Variants in ABCC1 observed in about 807,000 individuals in gnomAD.
ABCC1 encodes the protein ATP binding cassette subfamily C member 1 (ABCC1 blood group).
Under a neutral mutation model 172.9 loss-of-function variants are expected in ABCC1, and 83 were observed. The ratio of observed to expected loss-of-function variants is 0.48; its 90% CI spans 0.40 to 0.58. The LOEUF (loss-of-function observed/expected upper bound fraction) is 0.58. Ranked by LOEUF, ABCC1 falls within the 20% of genes least tolerant of loss-of-function variation. ABCC1 has a pLI of 0.00. For missense variants in ABCC1, 1,817 were observed against 2,002.7 expected (o/e 0.91, Z 1.77); for synonymous variants, 937 against 825.2 (o/e 1.14, Z -2.32).
rs1002506477 is a variant in ABCC1 at position 15,958,042 on chromosome 16, G to C, written c.48+8243G>C. On this transcript the variant is annotated intron_variant, in intron 1 of 30. Transcript: ENST00000399410. ...CGTTTCTGAGTTGCTCCAGTTTGCCGCAGTCCCCACCCCTCCCTGTTGTTG... is the reference window on the plus strand; with the variant it reads ...CGTTTCTGAGTTGCTCCAGTTTGCCCCAGTCCCCACCCCTCCCTGTTGTTG... 3.9e-5 allele frequency among the ~76,000 whole-genome samples: 6 copies of C among 152,288 alleles called. No homozygotes were observed. In the South Asian group the frequency reaches 1.2e-3, roughly 32 times the overall value.
At chr16:16,081,894 CT>C (rs1256461187) in intron 16 of ABCC1, among the ~76,000 whole-genome samples, 2 of 152,042 alleles carry the variant, frequency 1.3e-5, no homozygotes, top group Non-Finnish European at 2.9e-5. Context: ...TGGTGTGTGC[CT>C]TTAGTCCCAG....
chr16:15,970,339 T>G (rs2046337555), intron 1 of ABCC1, among the ~76,000 whole-genome samples: 1 of 152,128 alleles, frequency 6.6e-6, no homozygotes, highest in Non-Finnish European at 1.5e-5. Flanking sequence ...TGCCTACGTC[T>G]CTCCTCGTCA....
At chr16:16,071,064 T>A (rs1257038960) in intron 13 of ABCC1, among the ~76,000 whole-genome samples, 3 of 151,910 alleles carry the variant, frequency 2.0e-5, no homozygotes, top group African/African-American at 4.8e-5. Context: ...CCTCTGCCCT[T>A]TTCTTCTTTT....
chr16:15,949,879 C>G, intron 1 of ABCC1, 80 bp downstream of exon 1: 1 of 1,118,200 alleles, frequency 8.9e-7, no homozygotes, highest in Non-Finnish European at 1.1e-6. Flanking sequence ...CGCAGCCGCC[C>G]GGGGCACCCC....
At chr16:16,058,041 GT>G (rs975328621) in intron 12 of ABCC1, among the ~76,000 whole-genome samples, 1 of 151,794 alleles carries the variant, frequency 6.6e-6, no homozygotes, top group Non-Finnish European at 1.5e-5. Flanking sequence ...GTTGTTCCCT[GT>G]TTTTTTTGCT....
chr16:16,079,721 A>C (rs1000010834), intron 16 of ABCC1, among the ~76,000 whole-genome samples: 5 of 152,142 alleles, frequency 3.3e-5, no homozygotes, highest in African/African-American at 4.8e-5. Context: ...CAGCACTTAA[A>C]ATAGTGCCCA....
chr16:16,120,647 T>A (rs1225900282), intron 23 of ABCC1, among the ~76,000 whole-genome samples: 1 of 152,036 alleles, frequency 6.6e-6, no homozygotes, highest in African/African-American at 2.4e-5. Flanking sequence ...ACATCTGTGC[T>A]CCCATCTGCT....
chr16:16,016,149 G>GTTTTTTTTTTT, intron 4 of ABCC1, among the ~76,000 whole-genome samples: 1 of 84,276 alleles, frequency 1.2e-5, no homozygotes, highest in Non-Finnish European at 2.1e-5. Context: ...TGTGATCTTG[G>GTTTTTTTTTTT]TTTTTTTTTT....
At chr16:16,103,194 G>C (rs768443947) in intron 20 of ABCC1, among the ~76,000 whole-genome samples, 4 of 152,104 alleles carry the variant, frequency 2.6e-5, no homozygotes, top group Non-Finnish European at 5.9e-5. Context: ...TACAAAAAAG[G>C]AAGTATGCTC....
At chr16:16,009,742 T>C in intron 2 of ABCC1, 34 bp from the exon 3 acceptor site, 2 of 1,552,920 alleles carry the variant, frequency 1.3e-6, no homozygotes, top group Admixed American at 1.9e-5. Context: ...TCCAGGGCGG[T>C]CTGTTGTAGG....
chr16:16,074,947 C>T (rs1210776246), intron 14 of ABCC1, among the ~76,000 whole-genome samples: 2 of 129,192 alleles, frequency 1.5e-5, no homozygotes, highest in African/African-American at 2.9e-5. Context: ...TTTTCTTTTT[C>T]TTTTTTTTTT....
chr16:16,052,825 T>G lies in ABCC1; in HGVS notation c.1473+9T>G, dbSNP rs537499399. Reference sequence around the variant, plus strand: ...AGACCAAGACGTATCAGGTAAGGCATGTGTCTCTGCGGGCCCCCAAGCCGG... The same window carrying G: ...AGACCAAGACGTATCAGGTAAGGCAGGTGTCTCTGCGGGCCCCCAAGCCGG... On this transcript the variant is annotated intron_variant, in intron 11 of 30. Coordinates refer to ENST00000399410, the MANE Select transcript of ABCC1 (RefSeq NM_004996.4). 3 of 1,613,958 alleles carry G rather than the reference T, an allele frequency of 1.9e-6. No individual in the cohort carries two copies. The African/African-American group carries it at 4.0e-5, about 22-fold the overall frequency.
chr16:16,120,209 G>A (rs1429209923), intron 23 of ABCC1, among the ~76,000 whole-genome samples: 1 of 151,750 alleles, frequency 6.6e-6, no homozygotes, highest in East Asian at 2.1e-4. Context: ...GCCCAGGGCA[G>A]GATGCAGGGA....
intron 6 of ABCC1, 31 bp downstream of exon 6, chr16:16,033,201 G>C (rs754912924): frequency 2.5e-6 from 4 of 1,592,434 alleles, no homozygotes; most frequent in Non-Finnish European, 3.4e-6. Context: ...CCTCAGGGAG[G>C]TGGTGGGGAG....
chr16:16,055,799 G>C (rs2049626017), intron 11 of ABCC1, among the ~76,000 whole-genome samples: 1 of 151,408 alleles, frequency 6.6e-6, no homozygotes, highest in African/African-American at 2.4e-5. Flanking sequence ...AGTAGGGCTA[G>C]TAGGGATTAC....
chr16:15,967,209 G>A lies in ABCC1; in HGVS notation c.48+17410G>A, dbSNP rs894102668. Among the ~76,000 whole-genome samples, 5 of 152,236 alleles carry A rather than the reference G, an allele frequency of 3.3e-5. No homozygotes were observed. The East Asian group carries it at 9.7e-4, about 29-fold the overall frequency. Reference sequence around the variant, plus strand: ...GTGGAGGAGGCTGGGGTGAAGAGATGTTGTAGCTCCAGAGAAAGCCAGGGA... The same window carrying A: ...GTGGAGGAGGCTGGGGTGAAGAGATATTGTAGCTCCAGAGAAAGCCAGGGA... On this transcript the variant is annotated intron_variant, in intron 1 of 30. Transcript: ENST00000399410.
intron 10 of ABCC1, among the ~76,000 whole-genome samples, chr16:16,049,126 G>A (rs554167652): frequency 1.3e-5 from 2 of 152,312 alleles, no homozygotes; most frequent in African/African-American, 4.8e-5. Context: ...CCACTGCCCT[G>A]TTGTCCTCTG....
intron 14 of ABCC1, among the ~76,000 whole-genome samples, chr16:16,073,675 T>A (rs1035933263): frequency 5.3e-5 from 8 of 152,170 alleles, no homozygotes; most frequent in African/African-American, 1.9e-4. Context: ...GAGGATTGGC[T>A]GAGCCCGGGA....
At chr16:16,126,315 C>T (rs2045431075) in intron 26 of ABCC1, among the ~76,000 whole-genome samples, 1 of 152,160 alleles carries the variant, frequency 6.6e-6, no homozygotes, top group Non-Finnish European at 1.5e-5. Context: ...TAAACAGCAG[C>T]CCTCACACTT....
Sources: gnomAD v4.1 joint callset for allele counts (sites outside exome capture counted in the v4.1 genomes callset) on GRCh38, gnomAD v4.1.1 for gene constraint, MANE v1.5 for transcripts, NCBI Gene and HGNC (gene_info 2026-07-23, HGNC 2026-07-21) for gene names.